The following KCNIP4 variants were observed in gnomAD, a reference collection of about 807,000 sequenced individuals.
KCNIP4 encodes the protein potassium voltage-gated channel interacting protein 4.
KCNIP4 carries 12 observed loss-of-function variants against 34.0 expected under a neutral mutation model. That is an observed-to-expected ratio of 0.35 (90% CI 0.23 to 0.57). The LOEUF is 0.57. Among genes scored for constraint, KCNIP4 ranks in the 20% least tolerant of loss-of-function variants. KCNIP4 has a pLI of 0.83. For synonymous variants in KCNIP4, 124 were observed against 102.2 expected, an observed-to-expected ratio of 1.21 and a Z score of -1.29; for missense variants, 238 against 311.7, an observed-to-expected ratio of 0.76 and a Z score of 1.78.
At chr4:21,239,216 A>C (rs1012964607) in intron 1 of KCNIP4, among the ~76,000 whole-genome samples, 6 of 147,560 alleles carry the variant, frequency 4.1e-5, no homozygotes, top group African/African-American at 1.5e-4. Context: ...CCTTATACAA[A>C]AATTAATTCA....
chr4:21,537,693 G>C (rs1737310727), intron 1 of KCNIP4, among the ~76,000 whole-genome samples: 1 of 152,040 alleles, frequency 6.6e-6, no homozygotes. Context: ...AACCCAATCT[G>C]ACTTGTGTCC....
intron 1 of KCNIP4, among the ~76,000 whole-genome samples, chr4:21,130,559 T>A (rs1750986529): frequency 6.6e-6 from 1 of 152,178 alleles, no homozygotes; most frequent in African/African-American, 2.4e-5. Flanking sequence ...AGACAAGCCA[T>A]GGAAATTGTT....
chr4:21,770,021 A>C (rs1253311816), intron 1 of KCNIP4, among the ~76,000 whole-genome samples: 1 of 152,144 alleles, frequency 6.6e-6, no homozygotes, highest in African/African-American at 2.4e-5. Flanking sequence ...AAAAAAAAGA[A>C]AGATACATGT....
chr4:21,280,848 A>C (rs1165765048), intron 1 of KCNIP4, among the ~76,000 whole-genome samples: 1 of 152,170 alleles, frequency 6.6e-6, no homozygotes, highest in African/African-American at 2.4e-5. Context: ...AGTTAAGAGA[A>C]GTTTATGTGG....
At chr4:21,866,578 A>G (rs1417062619) in intron 1 of KCNIP4, among the ~76,000 whole-genome samples, 4 of 152,138 alleles carry the variant, frequency 2.6e-5, no homozygotes, top group Admixed American at 2.6e-4. Context: ...TAATGCATAC[A>G]AGACACTAGA....
intron 1 of KCNIP4, among the ~76,000 whole-genome samples, chr4:21,292,491 G>C (rs1763587255): frequency 6.6e-6 from 1 of 152,022 alleles, no homozygotes; most frequent in African/African-American, 2.4e-5. Context: ...ATATACCCAA[G>C]AAAATGCCTC....
At chr4:21,907,212 C>G (rs1193069537) in intron 1 of KCNIP4, among the ~76,000 whole-genome samples, 1 of 152,090 alleles carries the variant, frequency 6.6e-6, no homozygotes, top group African/African-American at 2.4e-5. Context: ...TGGGTTAATT[C>G]TCAGAGCAGT....
intron 1 of KCNIP4, among the ~76,000 whole-genome samples, chr4:21,442,971 C>T (rs1727619322): frequency 6.6e-6 from 1 of 152,156 alleles, no homozygotes; most frequent in Non-Finnish European, 1.5e-5. Flanking sequence ...CAGTTAATGG[C>T]AAATTCCTTC....
At chr4:21,593,516 T>C (rs1742386431) in intron 1 of KCNIP4, among the ~76,000 whole-genome samples, 1 of 152,070 alleles carries the variant, frequency 6.6e-6, no homozygotes, top group South Asian at 2.1e-4. Flanking sequence ...TCCCCGGACC[T>C]GGCACAAACA....
chr4:21,188,111 A>T (rs772309470), intron 1 of KCNIP4, among the ~76,000 whole-genome samples: 4 of 152,240 alleles, frequency 2.6e-5, no homozygotes, highest in Non-Finnish European at 4.4e-5. Context: ...AAGTATGTGG[A>T]GGAAATGCTT....
At position 21,132,853 on chromosome 4, in the gene KCNIP4, CAAAAAAAA is replaced by C. The variant is rs71189683; in HGVS notation, c.62-250152_62-250145del. Among the ~76,000 whole-genome samples, 310 of 116,690 alleles carry C rather than the reference CAAAAAAAA, an allele frequency of 2.7e-3. 2 individuals are homozygous for C. The highest frequency in any genetic ancestry group is 4.4e-3 in the Non-Finnish European group (248 of 56,524). The allele number at this position is 116,690 out of a possible 152,430, so 76.6% of individuals were successfully genotyped here. ...GTGAAATGTCGTCTCTACTAAACGA[CAAAAAAAA>C]AAAAAAAAAAAAAATTAGCCAGGTG... On this transcript the variant is annotated intron_variant, in intron 1 of 8. Coordinates refer to ENST00000382152, the MANE Select transcript of KCNIP4 (RefSeq NM_025221.6).
chr4:21,686,274 A>G (rs1750796199), intron 1 of KCNIP4, among the ~76,000 whole-genome samples: 3 of 152,156 alleles, frequency 2.0e-5, no homozygotes, highest in Admixed American at 2.0e-4. Flanking sequence ...CAGCTAGAGA[A>G]CAGATCAACT....
At chr4:21,042,123 C>T (rs533377664) in intron 1 of KCNIP4, among the ~76,000 whole-genome samples, 22 of 152,186 alleles carry the variant, frequency 1.4e-4, no homozygotes, top group Non-Finnish European at 2.2e-4. Flanking sequence ...AGATGGGAGC[C>T]GCCTTAAGGG....
At chr4:20,915,838 CTT>C in intron 1 of KCNIP4, among the ~76,000 whole-genome samples, 1 of 152,108 alleles carries the variant, frequency 6.6e-6, no homozygotes, top group Admixed American at 6.6e-5. Flanking sequence ...TGATAAAGAG[CTT>C]TCCCTCAGTT....
chr4:21,069,661 C>T (rs1337902005), intron 1 of KCNIP4, among the ~76,000 whole-genome samples: 1 of 152,066 alleles, frequency 6.6e-6, no homozygotes, highest in Non-Finnish European at 1.5e-5. Flanking sequence ...CCTCAGCTGA[C>T]AATGACCAAG....
At chr4:21,821,908 C>G (rs1458899207) in intron 1 of KCNIP4, among the ~76,000 whole-genome samples, 1 of 152,152 alleles carries the variant, frequency 6.6e-6, no homozygotes, top group Non-Finnish European at 1.5e-5. Context: ...TGGAATACAA[C>G]ATCTTTTCTA....
rs1577408437 is a variant in KCNIP4, at chr4:20,944,536, C to T, written c.62-61827G>A. Among the ~76,000 whole-genome samples, 6 of 152,322 alleles carry T rather than the reference C, an allele frequency of 3.9e-5. 1 individual carries two copies. Among genetic ancestry groups the T allele is most frequent in the Admixed American group, 3.9e-4 (6 of 15,302 alleles). Reference sequence around the variant, plus strand: ...ACTAAAATACAATGATTGGTTTTCTCTTTGTCAGCCAGATGGGTTCTTCCT... The same window carrying T: ...ACTAAAATACAATGATTGGTTTTCTTTTTGTCAGCCAGATGGGTTCTTCCT... On this transcript the variant is annotated intron_variant, in intron 1 of 8. Coordinates refer to ENST00000382152, the MANE Select transcript of KCNIP4 (RefSeq NM_025221.6).
intron 3 of KCNIP4, among the ~76,000 whole-genome samples, chr4:20,837,686 A>ATATATATTTTTT (rs1350419753): frequency 1.7e-5 from 2 of 117,400 alleles, no homozygotes; most frequent in African/African-American, 6.7e-5. Flanking sequence ...ATATATATAT[A>ATATATATTTTTT]TTTTTTTTTC....
chr4:21,383,702 T>G (rs558653437), intron 1 of KCNIP4, among the ~76,000 whole-genome samples: 1 of 152,192 alleles, frequency 6.6e-6, no homozygotes, highest in African/African-American at 2.4e-5. Flanking sequence ...TTACCTGGAT[T>G]TATGCAAATG....
Sources: gnomAD v4.1 joint callset for allele counts (sites outside exome capture counted in the v4.1 genomes callset) on GRCh38, gnomAD v4.1.1 for gene constraint, MANE v1.5 for transcripts, NCBI Gene and HGNC (gene_info 2026-07-23, HGNC 2026-07-21) for gene names.